AHI1: variants seen among roughly 807,000 people sequenced by gnomAD.
AHI1 encodes the protein jouberin.
AHI1 carries 123 observed loss-of-function variants against 149.3 expected under a neutral mutation model. That is an observed-to-expected ratio of 0.82 (90% CI 0.71 to 0.96). The LOEUF is 0.96. Ranked by LOEUF, AHI1 falls within the 40% of genes least tolerant of loss-of-function variation. The pLI, the probability that AHI1 is intolerant of heterozygous loss-of-function variation, is 0.00. For synonymous variants in AHI1, 475 were observed against 459.8 expected (o/e 1.03, Z -0.42); for missense variants, 1,439 against 1,422.7 (o/e 1.01, Z -0.18).
chr6:135,331,854 A>AAATCTC (rs1482330699), intron 24 of AHI1, among the ~76,000 whole-genome samples: 3 of 152,076 alleles, frequency 2.0e-5, no homozygotes, highest in Non-Finnish European at 4.4e-5. Context: ...TTTCTCCTTG[A>AAATCTC]CTAACCTGAT....
At chr6:135,292,808 T>C (rs940558750) in intron 27 of AHI1, among the ~76,000 whole-genome samples, 4 of 152,224 alleles carry the variant, frequency 2.6e-5, no homozygotes, top group Admixed American at 1.3e-4. Context: ...AATAAAGAAA[T>C]AGAAATTACA....
chr6:135,423,627 T>C (rs978766961), intron 20 of AHI1, among the ~76,000 whole-genome samples: 1 of 152,122 alleles, frequency 6.6e-6, no homozygotes, highest in Admixed American at 6.6e-5. Context: ...ACTTAGGAAG[T>C]ACAAAGGACT....
intron 21 of AHI1, among the ~76,000 whole-genome samples, chr6:135,410,193 C>T (rs1202988306): frequency 1.3e-5 from 2 of 151,944 alleles, no homozygotes; most frequent in Non-Finnish European, 2.9e-5. Flanking sequence ...ATACCAAGAC[C>T]CTGTCTCTAC....
In AHI1 at chr6:135,411,348, T is replaced by C. The variant is rs753351221; in HGVS notation, c.2961A>G (p.Thr987=). Residue 987 remains threonine, a splice_region_variant and synonymous_variant, in exon 21 of 29, where the codon ACA becomes ACG. Coordinates refer to ENST00000265602, the MANE Select transcript of AHI1 (RefSeq NM_001134831.2). Reference sequence around the variant, plus strand: ...TTTCAACTGCATAAAATAAACTTACTGTGACAGTTTCAAGCCTCTGTTTTA... The same window carrying C: ...TTTCAACTGCATAAAATAAACTTACCGTGACAGTTTCAAGCCTCTGTTTTA... ...QLVKQRLETV[T]EVIRSCAAKV... 3.7e-6 allele frequency: 6 copies of C among 1,604,802 alleles called. No homozygotes were observed. The South Asian group carries it at 5.5e-5, about 15-fold the overall frequency.
chr6:135,302,453 A>G lies in AHI1; in HGVS notation c.3427-1895T>C, dbSNP rs972529403. The stretch of plus-strand genomic sequence containing the variant: ...CTTGCCAATTCTGCTAAGCCTGTTC[A>G]TGTGAAATGGATGCTGTGATATCCT... On this transcript the variant is annotated intron_variant, in intron 26 of 28. Coordinates refer to ENST00000265602, the MANE Select transcript of AHI1 (RefSeq NM_001134831.2). The G allele has an allele frequency of 4.0e-6, 4 of 1,005,494 alleles. No individual in the cohort carries two copies. The African/African-American group carries it at 5.2e-5, about 13-fold the overall frequency. 62.3% of individuals were successfully genotyped at this position (1,005,494 alleles called of 1,614,324 possible). A position where few individuals can be genotyped will look rare whatever the true frequency, so the allele number is the denominator to read the frequency against.
intron 22 of AHI1, among the ~76,000 whole-genome samples, chr6:135,398,061 T>A (rs1200785774): frequency 1.8e-5 from 1 of 56,996 alleles, no homozygotes; most frequent in African/African-American, 3.2e-5. Flanking sequence ...CCAGGATGTT[T>A]TTTTTTTTTT....
At position 135,300,494 on chromosome 6, in the gene AHI1, G is replaced by A. The variant is rs748866983; in HGVS notation, c.3485+6C>T. On this transcript the variant is annotated splice_donor_region_variant and intron_variant, in intron 27 of 28. Transcript: ENST00000265602. The stretch of plus-strand genomic sequence containing the variant: ...CACTGCAAATTATTTTGAAGAAGTT[G>A]CTTACTGTGTCATAGATTCTGAGCC... 7 of 1,601,348 alleles carry A rather than the reference G, an allele frequency of 4.4e-6. No homozygotes were observed. In the Admixed American group the frequency reaches 8.5e-5, roughly 19 times the overall value.
At position 135,453,269 on chromosome 6, in the gene AHI1, T is replaced by C. The variant is rs180751738; in HGVS notation, c.1440+72A>G. On this transcript the variant is annotated intron_variant, in intron 11 of 28. Coordinates refer to ENST00000265602, the MANE Select transcript of AHI1 (RefSeq NM_001134831.2). ...TCTAATTCCTTATATGAGACCAAAC[T>C]GATTTGGGAGAAAGCAGCCAACTAA... 2.8e-5 allele frequency: 33 copies of C among 1,184,900 alleles called. No homozygotes were observed. In the East Asian group the frequency reaches 7.9e-4, roughly 28 times the overall value. 73.4% of individuals were successfully genotyped at this position (1,184,900 alleles called of 1,614,324 possible).
In AHI1 at chr6:135,388,943, C is replaced by T. The variant is rs6913943; in HGVS notation, c.3109+5833G>A. On this transcript the variant is annotated intron_variant, in intron 23 of 28. Coordinates refer to ENST00000265602, the MANE Select transcript of AHI1 (RefSeq NM_001134831.2). ...ACGAGTATCACTGGAATCTGAGAGG[C>T]GGAGGTTACAGCGAGCTGAGACCGC... Among the ~76,000 whole-genome samples the T allele has an allele frequency of 9.2e-4, 140 of 151,766 alleles. 2 individuals carry two copies. Among genetic ancestry groups the T allele is most frequent in the African/African-American group, 3.3e-3 (137 of 41,262 alleles).
intron 23 of AHI1, among the ~76,000 whole-genome samples, chr6:135,361,432 C>A (rs1370271510): frequency 1.3e-5 from 2 of 152,018 alleles, no homozygotes; most frequent in Non-Finnish European, 2.9e-5. Flanking sequence ...CCTGAAAAAT[C>A]TTTAGTAGGG....
chr6:135,351,942 G>C (rs940724025), intron 24 of AHI1, among the ~76,000 whole-genome samples: 1 of 152,130 alleles, frequency 6.6e-6, no homozygotes, highest in African/African-American at 2.4e-5. Flanking sequence ...CACAACCTAG[G>C]CCTGGGCCTT....
intron 19 of AHI1, among the ~76,000 whole-genome samples, chr6:135,428,004 A>G (rs915584757): frequency 6.6e-6 from 1 of 151,672 alleles, no homozygotes; most frequent in Non-Finnish European, 1.5e-5. Context: ...GAATAAAAAA[A>G]AAACAAGGAA....
At position 135,467,584 on chromosome 6, in the gene AHI1, A is replaced by G. The variant is rs1485284078; in HGVS notation, c.186T>C (p.Asp62=). 1.2e-6 allele frequency: 2 copies of G among 1,608,158 alleles called. No individual in the cohort carries two copies. Among genetic ancestry groups the G allele is most frequent in the Admixed American group, 3.3e-5 (2 of 59,902 alleles). ...TGTTAGTGTTAGCAGTACTTACATC[A>G]TCACTTGTAGTTTCTTTCATATAGT... ...NLHYMKETTS[D]DPDTIRSNLP... Residue 62 remains aspartate (D), a synonymous_variant, in exon 6 of 29, where the codon GAT becomes GAC. Coordinates refer to ENST00000265602, the MANE Select transcript of AHI1 (RefSeq NM_001134831.2).
chr6:135,325,599 T>C (rs1440291360), intron 24 of AHI1, among the ~76,000 whole-genome samples: 4 of 152,220 alleles, frequency 2.6e-5, no homozygotes, highest in African/African-American at 7.2e-5. Context: ...CAGAGAAATT[T>C]AGGAACTTCT....
At chr6:135,366,876 G>C (rs1220307683) in intron 23 of AHI1, among the ~76,000 whole-genome samples, 1 of 152,084 alleles carries the variant, frequency 6.6e-6, no homozygotes, top group Non-Finnish European at 1.5e-5. Context: ...ACCTTAGTTT[G>C]TCTGCCTGTG....
intron 27 of AHI1, among the ~76,000 whole-genome samples, chr6:135,291,524 G>A (rs570696657): frequency 4.1e-4 from 62 of 152,320 alleles, no homozygotes; most frequent in African/African-American, 1.4e-3. Context: ...CTCCAAGCCA[G>A]GAAGAGAGGC....
At chr6:135,344,622 C>T (rs1449906477) in intron 24 of AHI1, among the ~76,000 whole-genome samples, 1 of 150,668 alleles carries the variant, frequency 6.6e-6, no homozygotes, top group Non-Finnish European at 1.5e-5. Flanking sequence ...CCCTCCCTCC[C>T]TCCCTTCCTC....
chr6:135,318,778 A>G (rs772282699), intron 25 of AHI1, among the ~76,000 whole-genome samples, 162 bp from the exon 26 acceptor site: 9 of 152,244 alleles, frequency 5.9e-5, no homozygotes, highest in South Asian at 4.1e-4. Context: ...GCAATTTGCA[A>G]TTTTACTCAT....
chr6:135,467,470 G>T, intron 6 of AHI1, 111 bp downstream of exon 6: 1 of 833,918 alleles, frequency 1.2e-6, no homozygotes, highest in Non-Finnish European at 2.0e-6. Context: ...AAGTTTAACT[G>T]ATGTGTTGAA....
Sources: allele counts gnomAD v4.1 joint callset (sites outside exome capture counted in the v4.1 genomes callset), GRCh38; gene constraint gnomAD v4.1.1; transcripts MANE v1.5; gene names NCBI Gene and HGNC (gene_info 2026-07-23, HGNC 2026-07-21).